The following TMEM41A variants were observed in gnomAD, a reference collection of about 807,000 sequenced individuals.
TMEM41A encodes the protein transmembrane protein 41A.
A neutral mutation model predicts 25.7 loss-of-function variants in TMEM41A; 20 were observed. That is an observed-to-expected ratio of 0.78 (90% confidence interval 0.55 to 1.13). The LOEUF (loss-of-function observed/expected upper bound fraction) is 1.13, where lower values mean the gene tolerates loss of function less well. Ranked by LOEUF, TMEM41A falls within the 50% of genes most tolerant of loss-of-function variation. The pLI is 0.00. For synonymous variants in TMEM41A, 133 were observed against 139.6 expected (o/e 0.95, Z 0.33); for missense variants, 299 against 314.3 (o/e 0.95, Z 0.37).
intron 2 of TMEM41A, 110 bp from the exon 3 acceptor site, chr3:185,495,425 C>A: frequency 9.7e-7 from 1 of 1,031,196 alleles, no homozygotes; most frequent in Non-Finnish European, 1.4e-6. Flanking sequence ...TTTTTTCCAG[C>A]TAAAACCCAA....
rs1718926892 is a variant in TMEM41A, at chr3:185,490,885, A to G, written c.*652T>C. On this transcript the variant is annotated 3_prime_UTR_variant, in exon 5 of 5. Coordinates refer to ENST00000421852, the MANE Select transcript of TMEM41A (RefSeq NM_080652.4). Reference sequence around the variant, plus strand: ...AAAAGCAGTACTCTGGACAAGGACAATCAGCATCTTCTCCCAAGGCAGCTC... The same window carrying G: ...AAAAGCAGTACTCTGGACAAGGACAGTCAGCATCTTCTCCCAAGGCAGCTC... The G allele has an allele frequency of 6.6e-6, 1 of 152,364 alleles. No individual in the cohort carries two copies. Among genetic ancestry groups the G allele is most frequent in the South Asian group, 2.1e-4 (1 of 4,834 alleles). The allele number at this position is 152,364 out of a possible 1,614,324, so 9.4% of individuals were successfully genotyped here.
rs1302392332 is a variant in TMEM41A at position 185,496,568 on chromosome 3, CTGTT to C, written c.273+256_273+259del. On this transcript the variant is annotated intron_variant, in intron 2 of 4. Transcript: ENST00000421852. ...TTTCTTCTAGTTTCCGACAAGGAAACTGTTTGAGCAGGTCCAGCCTCAGCCTAGA... is the reference window on the plus strand; with the variant it reads ...TTTCTTCTAGTTTCCGACAAGGAAACTGAGCAGGTCCAGCCTCAGCCTAGA... 3.4e-5 allele frequency: 18 copies of C among 523,868 alleles called. No individual in the cohort carries two copies. In the Admixed American group the frequency reaches 4.4e-4, roughly 13 times the overall value. 32.5% of individuals were successfully genotyped at this position (523,868 alleles called of 1,614,324 possible).
In TMEM41A at chr3:185,491,687, A is replaced by G. The variant is rs1718957459; in HGVS notation, c.645T>C (p.Ala215=). ...TAAAGACAGTGTCCCAGGAGAAAAG[A>G]GCATCCAGAGAGGTTAGGGTTGACA... ...SILSTLTSLD[A]LFSWDTVFKL... is the part of the protein sequence containing the mutation. Residue 215 remains alanine, a synonymous_variant, in exon 5 of 5, where the codon GCT becomes GCC. Coordinates refer to ENST00000421852, the MANE Select transcript of TMEM41A (RefSeq NM_080652.4). The G allele has an allele frequency of 6.2e-7, 1 of 1,614,132 alleles. No homozygotes were observed. Among genetic ancestry groups the G allele is most frequent in the African/African-American group, 1.3e-5 (1 of 74,952 alleles).
Position 185,491,508 on chromosome 3 carries a change from C to T in TMEM41A, c.*29G>A. Reference sequence around the variant, plus strand: ...CCATTACACAAATAAGCAACTGAGTCCAGGGATGTGGCAAACAGAAAATCC... The same window carrying T: ...CCATTACACAAATAAGCAACTGAGTTCAGGGATGTGGCAAACAGAAAATCC... On this transcript the variant is annotated 3_prime_UTR_variant, in exon 5 of 5. Coordinates refer to ENST00000421852, the MANE Select transcript of TMEM41A (RefSeq NM_080652.4). 6.3e-7 allele frequency: 1 copy of T among 1,581,246 alleles called. No individual in the cohort carries two copies. Among genetic ancestry groups the T allele is most frequent in the Non-Finnish European group, 8.7e-7 (1 of 1,152,678 alleles).
At position 185,494,615 on chromosome 3, in the gene TMEM41A, C is replaced by T; in HGVS notation, c.574+8G>A. 6.3e-7 allele frequency: 1 copy of T among 1,588,868 alleles called. No individual in the cohort carries two copies. The highest frequency in any genetic ancestry group is 8.5e-7 in the Non-Finnish European group (1 of 1,169,848). On this transcript the variant is annotated splice_region_variant and intron_variant, in intron 4 of 4. Transcript: ENST00000421852. ...TGAAGACTCAAACCTACCCCACTAG[C>T]ATCTTACCGATAAGAACTGAGAAGA...
chr3:185,493,769 A>T (rs968644708), intron 4 of TMEM41A: 5 of 152,000 alleles, frequency 3.3e-5, no homozygotes, highest in African/African-American at 7.2e-5. Flanking sequence ...TTGAACTCCC[A>T]ACCTCAAGTG....
At chr3:185,497,534 TA>T (rs1219468144) in intron 1 of TMEM41A, among the ~76,000 whole-genome samples, 1 of 152,232 alleles carries the variant, frequency 6.6e-6, no homozygotes, top group East Asian at 1.9e-4. Flanking sequence ...AGGATAAATG[TA>T]ACTTTTTTGA....
chr3:185,498,593 CCCTGCACACCCT>C lies in TMEM41A; in HGVS notation c.119+238_119+249del. On this transcript the variant is annotated intron_variant, in intron 1 of 4. Coordinates refer to ENST00000421852, the MANE Select transcript of TMEM41A (RefSeq NM_080652.4). ...CAACCAAAGGCACCGCGGCGTGACG[CCCTGCACACCCT>C]GCAGCCAGCACCACACAGGTCCCAG... 5 of 433,960 alleles carry C rather than the reference CCCTGCACACCCT, an allele frequency of 1.2e-5. No individual in the cohort carries two copies. In the South Asian group the frequency reaches 1.8e-4, roughly 16 times the overall value. 26.9% of individuals were successfully genotyped at this position (433,960 alleles called of 1,614,324 possible). A position where few individuals can be genotyped will look rare whatever the true frequency, so the allele number is the denominator to read the frequency against.
intron 1 of TMEM41A, among the ~76,000 whole-genome samples, chr3:185,497,451 C>T (rs1719135885): frequency 6.6e-6 from 1 of 152,176 alleles, no homozygotes; most frequent in Non-Finnish European, 1.5e-5. Flanking sequence ...TCCTGAGGTG[C>T]CAAGTAAAAC....
At chr3:185,496,750 C>A in intron 2 of TMEM41A, 78 bp downstream of exon 2, 1 of 1,515,614 alleles carries the variant, frequency 6.6e-7, no homozygotes, top group East Asian at 2.4e-5. Context: ...CCCCACACAA[C>A]AATCCCATGA....
At chr3:185,498,231 C>T (rs1233059673) in intron 1 of TMEM41A, among the ~76,000 whole-genome samples, 2 of 149,206 alleles carry the variant, frequency 1.3e-5, no homozygotes, top group African/African-American at 5.0e-5. Flanking sequence ...CGCCACTGCA[C>T]TCCAGCCTGG....
intron 1 of TMEM41A, 36 bp from the exon 2 acceptor site, chr3:185,497,017 C>T (rs1396605272): frequency 6.4e-7 from 1 of 1,566,148 alleles, no homozygotes; most frequent in South Asian, 1.2e-5. Flanking sequence ...AACATGAGTT[C>T]AGATCAGTCC....
intron 3 of TMEM41A, 163 bp from the exon 4 acceptor site, chr3:185,494,924 G>T: frequency 9.8e-7 from 1 of 1,019,654 alleles, no homozygotes; most frequent in Non-Finnish European, 1.4e-6. Context: ...AAATAGACAT[G>T]CTGAGGATCA....
rs770355793 is a variant in TMEM41A, at chr3:185,495,179, T to C, written c.410A>G (p.Asp137Gly). The C allele has an allele frequency of 1.2e-6, 2 of 1,613,728 alleles. No individual in the cohort carries two copies. Among genetic ancestry groups the C allele is most frequent in the Non-Finnish European group, 1.7e-6 (2 of 1,179,986 alleles). The stretch of plus-strand genomic sequence containing the variant: ...CTTTCTCTGCAGCAGGGCCACTTTA[T>C]CAGGAAAGTAGGACACCACCAACTG... ...GKQLVVSYFP[D>G]KVALLQRKVE... The change falls in exon 3 of 5, where the codon GAT (aspartate) becomes GGT (glycine). Residue 137 changes from aspartate to glycine, a missense_variant. By Grantham distance (94) the Asp-to-Gly change is moderately conservative. Coordinates refer to ENST00000421852, the MANE Select transcript of TMEM41A (RefSeq NM_080652.4).
chr3:185,498,831 C>G lies in TMEM41A; in HGVS notation c.119+12G>C. 6.4e-7 allele frequency: 1 copy of G among 1,572,266 alleles called. No individual in the cohort carries two copies. The highest frequency in any genetic ancestry group is 8.6e-7 in the Non-Finnish European group (1 of 1,162,592). ...CCTTCCTCTGACCCGAACCCGGATTCCCGCCACGCACCTGCCTCCAGCCTC... is the reference window on the plus strand; with the variant it reads ...CCTTCCTCTGACCCGAACCCGGATTGCCGCCACGCACCTGCCTCCAGCCTC... On this transcript the variant is annotated intron_variant, in intron 1 of 4. Coordinates refer to ENST00000421852, the MANE Select transcript of TMEM41A (RefSeq NM_080652.4).
chr3:185,491,453 A>G lies in TMEM41A; in HGVS notation c.*84T>C, dbSNP rs1321163244. 1.7e-6 allele frequency: 2 copies of G among 1,153,882 alleles called. No individual in the cohort carries two copies. Among genetic ancestry groups the G allele is most frequent in the East Asian group, 2.4e-5 (1 of 42,288 alleles). 71.5% of individuals were successfully genotyped at this position (1,153,882 alleles called of 1,614,324 possible). ...CCACATCACCTATAGAAGGCAATCAAAAACAATGAGGGGCTTTAGAGGACC... is the reference window on the plus strand; with the variant it reads ...CCACATCACCTATAGAAGGCAATCAGAAACAATGAGGGGCTTTAGAGGACC... On this transcript the variant is annotated 3_prime_UTR_variant, in exon 5 of 5. Transcript: ENST00000421852.
chr3:185,491,141 GTGCC>G lies in TMEM41A; in HGVS notation c.*392_*395del, dbSNP rs1443871409. On this transcript the variant is annotated 3_prime_UTR_variant, in exon 5 of 5. Coordinates refer to ENST00000421852, the MANE Select transcript of TMEM41A (RefSeq NM_080652.4). ...GCCTCCCGAGTAGCTGGGATTACAG[GTGCC>G]TGCCACCACGCCTGGCTAATTTTTG... 5.7e-6 allele frequency: 1 copy of G among 176,588 alleles called. No individual in the cohort carries two copies. The highest frequency in any genetic ancestry group is 2.4e-5 in the African/African-American group (1 of 41,802). 10.9% of individuals were successfully genotyped at this position (176,588 alleles called of 1,614,324 possible).
In TMEM41A at chr3:185,498,917, G is replaced by A. The variant is rs776732077; in HGVS notation, c.45C>T (p.Thr15=). 1.2e-6 allele frequency: 2 copies of A among 1,605,638 alleles called. No homozygotes were observed. Among genetic ancestry groups the A allele is most frequent in the East Asian group, 2.3e-5 (1 of 44,330 alleles). Residue 15 remains threonine, a synonymous_variant, in exon 1 of 5, where the codon ACC becomes ACT. Coordinates refer to ENST00000421852, the MANE Select transcript of TMEM41A (RefSeq NM_080652.4). ...GCGTCGACAGCAAGTACAAGGCGAA[G>A]GTGCAGCCGGCGAAGACCAGAAGGA... ...LGLLLVFAGC[T]FALYLLSTRL... is the part of the protein sequence containing the mutation.
chr3:185,496,689 T>C, intron 2 of TMEM41A, 139 bp downstream of exon 2: 1 of 1,079,872 alleles, frequency 9.3e-7, no homozygotes, highest in Non-Finnish European at 1.4e-6. Flanking sequence ...CCGTAAGTGC[T>C]GAGGGCCACT....
Sources: allele counts gnomAD v4.1 joint callset (sites outside exome capture counted in the v4.1 genomes callset), GRCh38; gene constraint gnomAD v4.1.1; transcripts MANE v1.5; gene names NCBI Gene and HGNC (gene_info 2026-07-23, HGNC 2026-07-21).